WIPI2: variants seen among roughly 807,000 people sequenced by gnomAD.
WIPI2 encodes WD repeat domain phosphoinositide-interacting protein 2.
WIPI2 carries 28 observed loss-of-function variants against 52.3 expected under a neutral mutation model. That is an observed-to-expected ratio of 0.54 (90% CI 0.40 to 0.73). The LOEUF (loss-of-function observed/expected upper bound fraction) is 0.73. WIPI2 is among the 30% of genes least tolerant of loss of function. The pLI, the probability that WIPI2 is intolerant of heterozygous loss-of-function variation, is 0.00. For synonymous variants in WIPI2, 268 were observed against 245.0 expected (o/e 1.09, Z -0.88); for missense variants, 506 against 602.9 (o/e 0.84, Z 1.68).
At chr7:5,222,521 G>T (rs577740455) in intron 7 of WIPI2, 81 bp from the exon 8 acceptor site, 23 of 1,405,906 alleles carry the variant, frequency 1.6e-5, no homozygotes, top group African/African-American at 5.7e-5. Context: ...GCCGTGTGGC[G>T]CATTTGCAGT....
intron 3 of WIPI2, among the ~76,000 whole-genome samples, chr7:5,207,458 A>T (rs1782352439): frequency 1.3e-5 from 2 of 152,046 alleles, no homozygotes; most frequent in African/African-American, 4.8e-5. Flanking sequence ...CATTTTTTTT[A>T]GATTTATCCA....
chr7:5,223,819 G>A (rs562113685), intron 8 of WIPI2, among the ~76,000 whole-genome samples: 7 of 152,246 alleles, frequency 4.6e-5, no homozygotes, highest in Non-Finnish European at 8.8e-5. Context: ...CCAGCACCCT[G>A]GCACCCAAGC....
At chr7:5,209,156 A>C (rs1782438561) in intron 3 of WIPI2, among the ~76,000 whole-genome samples, 1 of 151,948 alleles carries the variant, frequency 6.6e-6, no homozygotes, top group Non-Finnish European at 1.5e-5. Context: ...CATATAGTTA[A>C]TTTTTTATAT....
chr7:5,217,220 A>G (rs375510583), intron 6 of WIPI2, 33 bp downstream of exon 6: 6 of 1,610,948 alleles, frequency 3.7e-6, no homozygotes, highest in Admixed American at 1.7e-5. Context: ...ATAGCTCTCT[A>G]AAGTGTGGCT....
chr7:5,217,879 G>A (rs367683182), intron 6 of WIPI2, 43 bp from the exon 7 acceptor site: 3 of 1,604,514 alleles, frequency 1.9e-6, no homozygotes, highest in Non-Finnish European at 2.6e-6. Flanking sequence ...GGCGTGGGCG[G>A]TCACTGTGCG....
chr7:5,200,338 C>T (rs1781960473), intron 3 of WIPI2, among the ~76,000 whole-genome samples: 2 of 152,172 alleles, frequency 1.3e-5, no homozygotes, highest in Admixed American at 1.3e-4. Context: ...ACCCTTTCCA[C>T]GTGCGTAATT....
At chr7:5,207,819 G>A (rs1253562629) in intron 3 of WIPI2, among the ~76,000 whole-genome samples, 2 of 140,918 alleles carry the variant, frequency 1.4e-5, no homozygotes, top group African/African-American at 2.7e-5. Context: ...AGGCTGGAGT[G>A]CAGTGGCACA....
At chr7:5,214,166 G>A in intron 3 of WIPI2, 1 of 878,224 alleles carries the variant, frequency 1.1e-6, no homozygotes, top group East Asian at 5.8e-5. Flanking sequence ...GGAAGCAATT[G>A]CAGTTTCGTA....
At chr7:5,206,624 C>G (rs1485040980) in intron 3 of WIPI2, among the ~76,000 whole-genome samples, 2 of 152,156 alleles carry the variant, frequency 1.3e-5, no homozygotes, top group African/African-American at 4.8e-5. Flanking sequence ...TTCTTTCTAA[C>G]ATTTTATTAA....
intron 3 of WIPI2, among the ~76,000 whole-genome samples, chr7:5,203,735 C>T (rs1322855008): frequency 1.3e-5 from 2 of 151,446 alleles, no homozygotes; most frequent in Non-Finnish European, 2.9e-5. Context: ...CGGATTCGCG[C>T]CATTCTCCTG....
intron 7 of WIPI2, chr7:5,218,734 C>T (rs1290516291): frequency 1.3e-5 from 2 of 152,328 alleles, no homozygotes; most frequent in South Asian, 2.1e-4. Flanking sequence ...GGCGAGGCTC[C>T]CTGGCCCCCA....
In WIPI2 at chr7:5,222,691, C is replaced by A; in HGVS notation, c.740+19C>A. 6.2e-7 allele frequency: 1 copy of A among 1,607,390 alleles called. No individual in the cohort carries two copies. The highest frequency in any genetic ancestry group is 8.5e-7 in the Non-Finnish European group (1 of 1,174,516). On this transcript the variant is annotated intron_variant, in intron 8 of 12. Transcript: ENST00000288828. ...TAAAGAGGTAAAGTACGTGAATGTC[C>A]AGAATGGATTCTGGAGGTTGTATTT...
chr7:5,223,834 G>A (rs1011092136), intron 8 of WIPI2, among the ~76,000 whole-genome samples: 1 of 152,222 alleles, frequency 6.6e-6, no homozygotes, highest in African/African-American at 2.4e-5. Flanking sequence ...CCAAGCCAGA[G>A]GGACTCGGCC....
chr7:5,231,058 CT>C lies in WIPI2; in HGVS notation c.*114del. 1.4e-6 allele frequency: 1 copy of C among 721,832 alleles called. No homozygotes were observed. Among genetic ancestry groups the C allele is most frequent in the Non-Finnish European group, 2.1e-6 (1 of 483,808 alleles). The allele number at this position is 721,832 out of a possible 1,614,324, so 44.7% of individuals were successfully genotyped here. On this transcript the variant is annotated 3_prime_UTR_variant, in exon 13 of 13. Transcript: ENST00000288828. ...GAGTCGGGGGAGAGGATGGCAGAGACTTTATTAAAAAAAAAAAAAGATTGTA... is the reference window on the plus strand; with the variant it reads ...GAGTCGGGGGAGAGGATGGCAGAGACTTATTAAAAAAAAAAAAAGATTGTA...
At chr7:5,214,117 G>A (rs1782695394) in intron 3 of WIPI2, 4 of 365,262 alleles carry the variant, frequency 1.1e-5, no homozygotes, top group South Asian at 1.0e-4. Flanking sequence ...ATGCGAGCAC[G>A]TAGGCTAGCG....
intron 8 of WIPI2, among the ~76,000 whole-genome samples, chr7:5,224,226 G>A (rs1385237005): frequency 6.6e-6 from 1 of 152,244 alleles, no homozygotes; most frequent in East Asian, 1.9e-4. Context: ...GGTCTTGCGT[G>A]AGCTGGCAGA....
intron 2 of WIPI2, among the ~76,000 whole-genome samples, chr7:5,195,031 C>T (rs11771301): frequency 0.83 from 125,859 of 151,970 alleles, 52,697 homozygotes; most frequent in East Asian, 0.95. Flanking sequence ...TCTGTCCTTC[C>T]CTAGAGAAGG....
At chr7:5,228,566 G>A (rs1435553789) in intron 11 of WIPI2, among the ~76,000 whole-genome samples, 1 of 152,224 alleles carries the variant, frequency 6.6e-6, no homozygotes, top group Non-Finnish European at 1.5e-5. Flanking sequence ...GAAGGGCGCA[G>A]CGTGGTGGCC....
intron 8 of WIPI2, among the ~76,000 whole-genome samples, chr7:5,225,616 C>T (rs1224283327): frequency 2.0e-5 from 3 of 152,210 alleles, no homozygotes; most frequent in South Asian, 2.1e-4. Flanking sequence ...TGGAAGCTTG[C>T]AGCTGTGTTA....
Sources: allele counts gnomAD v4.1 joint callset (sites outside exome capture counted in the v4.1 genomes callset), GRCh38; gene constraint gnomAD v4.1.1; transcripts MANE v1.5; gene names NCBI Gene and HGNC (gene_info 2026-07-23, HGNC 2026-07-21).